Variants in LRP1B observed in about 807,000 individuals in gnomAD.
LRP1B encodes the protein LDL receptor related protein 1B, also known as low-density lipoprotein receptor-related protein 1B.
A neutral mutation model predicts 556.6 loss-of-function variants in LRP1B; 217 were observed. That is an observed-to-expected ratio of 0.39 (90% CI 0.35 to 0.44). The LOEUF is 0.44. LRP1B is among the 20% of genes least tolerant of loss of function. The probability of loss-of-function intolerance (pLI) is 1.00; values close to 1 mark genes in which losing one functional copy is unlikely to be tolerated. For synonymous variants in LRP1B, 2,047 were observed against 1,865.8 expected, an observed-to-expected ratio of 1.10 and a Z score of -2.50; for missense variants, 5,053 against 5,620.8, an observed-to-expected ratio of 0.90 and a Z score of 3.23.
chr2:142,119,853 G>A (rs909047595), intron 1 of LRP1B, among the ~76,000 whole-genome samples: 1 of 151,986 alleles, frequency 6.6e-6, no homozygotes, highest in African/African-American at 2.4e-5. Flanking sequence ...ATCCAAAGTT[G>A]TACAATTGCT....
At chr2:141,187,526 A>G (rs558729439) in intron 7 of LRP1B, among the ~76,000 whole-genome samples, 1 of 152,190 alleles carries the variant, frequency 6.6e-6, no homozygotes, top group Non-Finnish European at 1.5e-5. Flanking sequence ...TACAATTTAC[A>G]TCTTAAAAAA....
At chr2:140,797,049 T>C (rs961290441) in intron 32 of LRP1B, among the ~76,000 whole-genome samples, 2 of 152,028 alleles carry the variant, frequency 1.3e-5, no homozygotes, top group African/African-American at 4.8e-5. Context: ...TATTCATTTA[T>C]CTAAGAAAAT....
chr2:141,647,571 T>C (rs1040357580), intron 2 of LRP1B, among the ~76,000 whole-genome samples: 3 of 152,302 alleles, frequency 2.0e-5, no homozygotes, highest in East Asian at 1.9e-4. Context: ...ATAAAAACTA[T>C]GACCCTCAAC....
intron 84 of LRP1B, among the ~76,000 whole-genome samples, chr2:140,296,952 T>G (rs1237741237): frequency 6.6e-6 from 1 of 152,068 alleles, no homozygotes; most frequent in East Asian, 1.9e-4. Context: ...AATAAGGTTA[T>G]TACAAAAAAG....
intron 42 of LRP1B, among the ~76,000 whole-genome samples, chr2:140,599,611 G>C (rs1275483055): frequency 6.6e-6 from 1 of 151,886 alleles, no homozygotes; most frequent in Non-Finnish European, 1.5e-5. Flanking sequence ...TTCATTGTTG[G>C]TAATTTTACT....
intron 6 of LRP1B, among the ~76,000 whole-genome samples, chr2:141,201,773 G>C: frequency 6.6e-6 from 1 of 152,042 alleles, no homozygotes; most frequent in East Asian, 1.9e-4. Flanking sequence ...TATACAATTA[G>C]AGAAGAAGAT....
intron 7 of LRP1B, among the ~76,000 whole-genome samples, chr2:141,174,607 G>A (rs759776800): frequency 1.3e-5 from 2 of 152,066 alleles, no homozygotes; most frequent in Non-Finnish European, 1.5e-5. Context: ...CATGACTTCT[G>A]TTAAGTCGGA....
chr2:141,163,769 CTG>C (rs1244718912), intron 7 of LRP1B, among the ~76,000 whole-genome samples: 1 of 152,030 alleles, frequency 6.6e-6, no homozygotes, highest in Non-Finnish European at 1.5e-5. Context: ...GCCATGTGAA[CTG>C]TGAGTCCACT....
At chr2:141,979,788 C>G (rs1001911819) in intron 1 of LRP1B, among the ~76,000 whole-genome samples, 1 of 152,068 alleles carries the variant, frequency 6.6e-6, no homozygotes, top group Non-Finnish European at 1.5e-5. Context: ...GACACTGCCT[C>G]AGAACTGCTT....
At chr2:140,582,423 T>C (rs569741109) in intron 43 of LRP1B, among the ~76,000 whole-genome samples, 27 of 152,294 alleles carry the variant, frequency 1.8e-4, no homozygotes, top group Middle Eastern at 6.8e-3. Context: ...CAAAGCAGGG[T>C]TATAATTGGT....
chr2:141,542,077 A>G (rs774837757), intron 2 of LRP1B, among the ~76,000 whole-genome samples: 4 of 152,016 alleles, frequency 2.6e-5, no homozygotes, highest in Non-Finnish European at 5.9e-5. Flanking sequence ...TTTGCGATAA[A>G]CAAATATGAA....
At chr2:141,886,585 A>G (rs1699121433) in intron 1 of LRP1B, among the ~76,000 whole-genome samples, 1 of 152,202 alleles carries the variant, frequency 6.6e-6, no homozygotes, top group Non-Finnish European at 1.5e-5. Context: ...ATCTAAATAC[A>G]CTGTCCTTGG....
At chr2:141,132,790 G>A (rs1319983446) in intron 7 of LRP1B, among the ~76,000 whole-genome samples, 2 of 151,862 alleles carry the variant, frequency 1.3e-5, no homozygotes, top group African/African-American at 2.4e-5. Flanking sequence ...ATATATTTGG[G>A]AGCATGTGTG....
chr2:140,542,444 A>G (rs969809922), intron 43 of LRP1B, among the ~76,000 whole-genome samples: 7 of 152,130 alleles, frequency 4.6e-5, no homozygotes, highest in Non-Finnish European at 1.0e-4. Flanking sequence ...CTAGTTGCAC[A>G]TGTCTGAGAA....
intron 32 of LRP1B, among the ~76,000 whole-genome samples, chr2:140,795,279 C>A (rs1316205779): frequency 6.6e-6 from 1 of 152,058 alleles, no homozygotes; most frequent in Non-Finnish European, 1.5e-5. Flanking sequence ...TATTAGGAGT[C>A]AACTCAGCAC....
intron 41 of LRP1B, among the ~76,000 whole-genome samples, chr2:140,620,714 A>C (rs1683419583): frequency 6.6e-6 from 1 of 152,138 alleles, no homozygotes; most frequent in African/African-American, 2.4e-5. Flanking sequence ...GAATATCTTA[A>C]ATTATAAATA....
chr2:141,709,468 C>A (rs946955787), intron 2 of LRP1B, among the ~76,000 whole-genome samples: 2 of 152,022 alleles, frequency 1.3e-5, no homozygotes, highest in South Asian at 2.1e-4. Flanking sequence ...AAATGGGCAG[C>A]GATGCATTTT....
At chr2:141,361,277 C>A (rs910231206) in intron 3 of LRP1B, among the ~76,000 whole-genome samples, 3 of 152,122 alleles carry the variant, frequency 2.0e-5, no homozygotes, top group Admixed American at 6.5e-5. Context: ...TGAATCTTAT[C>A]TTTTATTCAC....
intron 18 of LRP1B, among the ~76,000 whole-genome samples, chr2:140,967,804 T>G (rs1156772807): frequency 2.6e-5 from 4 of 151,846 alleles, no homozygotes; most frequent in Non-Finnish European, 5.9e-5. Context: ...TAATCATGTG[T>G]TTTTTTGTCT....
Sources: allele counts gnomAD v4.1 joint callset (sites outside exome capture counted in the v4.1 genomes callset), GRCh38; gene constraint gnomAD v4.1.1; transcripts MANE v1.5; gene names NCBI Gene and HGNC (gene_info 2026-07-23, HGNC 2026-07-21).